AFDN: variants seen among roughly 807,000 people sequenced by gnomAD.
The protein encoded by AFDN is afadin, adherens junction formation factor.
AFDN carries 68 observed loss-of-function variants against 216.6 expected under a neutral mutation model. The ratio of observed to expected loss-of-function variants is 0.31; its 90% CI spans 0.26 to 0.38. AFDN has a LOEUF of 0.38. AFDN is among the 10% of genes least tolerant of loss of function. The probability of loss-of-function intolerance (pLI) is 1.00; values close to 1 mark genes in which losing one functional copy is unlikely to be tolerated. For missense variants in AFDN, 2,136 were observed against 2,342.0 expected, an observed-to-expected ratio of 0.91 and a Z score of 1.82; for synonymous variants, 868 against 853.7, an observed-to-expected ratio of 1.02 and a Z score of -0.29.
intron 1 of AFDN, among the ~76,000 whole-genome samples, chr6:167,855,139 A>G (rs1376791720): frequency 6.6e-6 from 1 of 152,070 alleles, no homozygotes; most frequent in Non-Finnish European, 1.5e-5. Flanking sequence ...AGTTTAGTTG[A>G]CACAGTTTTC....
intron 23 of AFDN, among the ~76,000 whole-genome samples, chr6:167,937,830 A>G (rs532860410): frequency 6.6e-6 from 1 of 152,220 alleles, no homozygotes; most frequent in South Asian, 2.1e-4. Flanking sequence ...TAATGGGCAT[A>G]TCGGTTGCTT....
chr6:167,963,923 G>T (rs1166491440), intron 31 of AFDN: 1 of 1,064,604 alleles, frequency 9.4e-7, no homozygotes, highest in Non-Finnish European at 1.1e-6. Context: ...GCTTTTCCAG[G>T]TCAGTGCCAG....
intron 31 of AFDN, 130 bp from the exon 32 acceptor site, chr6:167,965,627 A>T: frequency 1.2e-6 from 1 of 821,954 alleles, no homozygotes; most frequent in Non-Finnish European, 1.8e-6. Context: ...TGCTTCTGTT[A>T]CATAGTAATT....
In AFDN at chr6:167,923,916, C is replaced by T. The variant is rs529191734; in HGVS notation, c.3012+957C>T. 7.2e-4 allele frequency among the ~76,000 whole-genome samples: 110 copies of T among 152,168 alleles called. 2 individuals are homozygous for T. Among genetic ancestry groups the T allele is most frequent in the African/African-American group, 2.6e-3 (106 of 41,526 alleles). ...CTGGGATTACAGGCATGAGCCACCT[C>T]GCCCGGCCCCTAATACTTTTTATTG... On this transcript the variant is annotated intron_variant, in intron 22 of 33. Coordinates refer to ENST00000683244, the MANE Select transcript of AFDN (RefSeq NM_001386888.1).
Position 167,826,987 on chromosome 6 carries a change from C to A in AFDN, c.-146C>A. ...CAGGCGGAGGCCAAGTCGGAGGACG[C>A]GGCGCGGCCGCGGAGGCGGAGGCAG... On this transcript the variant is annotated 5_prime_UTR_variant, in exon 1 of 34. Coordinates refer to ENST00000683244, the MANE Select transcript of AFDN (RefSeq NM_001386888.1). 5.8e-6 allele frequency: 1 copy of A among 171,938 alleles called. No homozygotes were observed. The highest frequency in any genetic ancestry group is 1.7e-4 in the South Asian group (1 of 5,788). The allele number at this position is 171,938 out of a possible 1,614,324, so 10.7% of individuals were successfully genotyped here.
intron 27 of AFDN, among the ~76,000 whole-genome samples, 159 bp downstream of exon 27, chr6:167,947,060 T>C (rs1795350827): frequency 1.3e-5 from 2 of 152,170 alleles, no homozygotes; most frequent in Non-Finnish European, 2.9e-5. Context: ...AACATTTCTC[T>C]AACAAAAACT....
At chr6:167,899,495 A>G (rs1788676901) in intron 11 of AFDN, among the ~76,000 whole-genome samples, 1 of 152,160 alleles carries the variant, frequency 6.6e-6, no homozygotes, top group African/African-American at 2.4e-5. Context: ...TCTGAAGGTG[A>G]TGTTTTTCAT....
chr6:167,959,043 A>G (rs1018756011), intron 30 of AFDN, among the ~76,000 whole-genome samples: 5 of 152,278 alleles, frequency 3.3e-5, no homozygotes, highest in Non-Finnish European at 7.3e-5. Context: ...GCAGAATGGA[A>G]TACAAAGTTT....
chr6:167,924,896 C>T (rs1383790973), intron 22 of AFDN, 109 bp from the exon 23 acceptor site: 3 of 815,250 alleles, frequency 3.7e-6, no homozygotes, highest in Non-Finnish European at 6.5e-6. Context: ...CATCCTTTTT[C>T]TTTCCCCATT....
At chr6:167,845,444 T>G (rs1299119427) in intron 1 of AFDN, among the ~76,000 whole-genome samples, 3 of 151,790 alleles carry the variant, frequency 2.0e-5, no homozygotes, top group Non-Finnish European at 4.4e-5. Context: ...GTTTCCCAGG[T>G]TGGAGTGCAA....
At chr6:167,916,956 C>G (rs1306965573) in intron 19 of AFDN, 133 bp from the exon 20 acceptor site, 2 of 765,008 alleles carry the variant, frequency 2.6e-6, no homozygotes, top group Non-Finnish European at 4.0e-6. Flanking sequence ...AAATGGAAGT[C>G]TGTTTCCTGA....
At chr6:167,889,879 A>G (rs1562616641) in intron 7 of AFDN, among the ~76,000 whole-genome samples, 1 of 152,250 alleles carries the variant, frequency 6.6e-6, no homozygotes, top group East Asian at 1.9e-4. Context: ...CATGCTGACT[A>G]GATTAACTGT....
intron 12 of AFDN, 136 bp downstream of exon 12, chr6:167,902,522 TA>T (rs1789117356): frequency 3.1e-6 from 2 of 645,564 alleles, no homozygotes; most frequent in South Asian, 1.9e-5. Context: ...TCTGAAATCA[TA>T]AATAGTACAG....
rs1323320535 is a variant in AFDN, at chr6:167,969,096, GT to G, written c.5258-15del. On this transcript the variant is annotated splice_polypyrimidine_tract_variant and intron_variant, in intron 32 of 33. Coordinates refer to ENST00000683244, the MANE Select transcript of AFDN (RefSeq NM_001386888.1). ...ATAATCAGGTACTTTAACTTGTACT[GT>G]TTCTTTCATGGAAAAGGACCAAACT... 1.3e-6 allele frequency: 2 copies of G among 1,591,302 alleles called. No homozygotes were observed. Among genetic ancestry groups the G allele is most frequent in the Admixed American group, 3.3e-5 (2 of 59,992 alleles).
intron 26 of AFDN, among the ~76,000 whole-genome samples, chr6:167,946,159 TG>T (rs1452097849): frequency 6.6e-6 from 1 of 152,244 alleles, no homozygotes; most frequent in Admixed American, 6.5e-5. Flanking sequence ...CTTAACATCT[TG>T]GTTGTCTAAT....
intron 22 of AFDN, among the ~76,000 whole-genome samples, chr6:167,924,645 G>A (rs1413339723): frequency 1.3e-5 from 2 of 152,170 alleles, no homozygotes; most frequent in Non-Finnish European, 2.9e-5. Flanking sequence ...AAAAAGACTG[G>A]TAATTTATTT....
At chr6:167,945,973 A>G (rs2128644799) in intron 26 of AFDN, among the ~76,000 whole-genome samples, 1 of 152,324 alleles carries the variant, frequency 6.6e-6, no homozygotes, top group South Asian at 2.1e-4. Flanking sequence ...CTCACAACCC[A>G]GAACCTCAAG....
At chr6:167,894,043 T>G in intron 9 of AFDN, 137 bp downstream of exon 9, 1 of 665,736 alleles carries the variant, frequency 1.5e-6, no homozygotes. Context: ...AAATTTAATG[T>G]ACTGTCATTT....
At chr6:167,953,403 ATACT>A (rs200078544) in intron 30 of AFDN, among the ~76,000 whole-genome samples, 2,147 of 152,332 alleles carry the variant, frequency 0.014, 25 homozygotes, top group Non-Finnish European at 0.023. Flanking sequence ...TCTCTCACAC[ATACT>A]TCTTAATATA....
Sources: gnomAD v4.1 joint callset for allele counts (sites outside exome capture counted in the v4.1 genomes callset) on GRCh38, gnomAD v4.1.1 for gene constraint, MANE v1.5 for transcripts, NCBI Gene and HGNC (gene_info 2026-07-23, HGNC 2026-07-21) for gene names.